Variants in SPEF2 observed in about 807,000 individuals in gnomAD.
SPEF2 encodes sperm flagella and cilia-associated protein 2.
In SPEF2, 187 loss-of-function variants were observed where a neutral mutation model predicts 224.6. The ratio of observed to expected loss-of-function variants is 0.83; its 90% confidence interval spans 0.74 to 0.94. The LOEUF (loss-of-function observed/expected upper bound fraction) is 0.94. SPEF2 is among the 40% of genes least tolerant of loss of function. The pLI is 0.00. For synonymous variants in SPEF2, 715 were observed against 707.3 expected (o/e 1.01, Z -0.17); for missense variants, 2,170 against 2,135.6 (o/e 1.02, Z -0.32).
chr5:35,682,406 A>G (rs531484070), intron 10 of SPEF2, among the ~76,000 whole-genome samples: 1 of 152,216 alleles, frequency 6.6e-6, no homozygotes. Context: ...AAACAGTGTA[A>G]GTGTTGTATC....
Position 35,807,052 on chromosome 5 carries a change from C to G in SPEF2, c.5257-79C>G, listed in dbSNP as rs964230942. ...CATAGTATGAAATTATACAGAATCT[C>G]TTTAGTAAATACAACCATTTTTTTT... On this transcript the variant is annotated intron_variant, in intron 35 of 36. Transcript: ENST00000356031. 2.1e-5 allele frequency: 33 copies of G among 1,562,874 alleles called. No homozygotes were observed. In the African/African-American group the frequency reaches 4.4e-4, roughly 21 times the overall value.
chr5:35,814,404 G>A lies in SPEF2; in HGVS notation c.5380-60G>A, dbSNP rs749034991. The A allele has an allele frequency of 8.4e-6, 8 of 955,496 alleles. No individual in the cohort carries two copies. The South Asian group carries it at 1.1e-4, about 13-fold the overall frequency. 59.2% of individuals were successfully genotyped at this position (955,496 alleles called of 1,614,324 possible). ...GTGATCATTTATTAGTATTTGTATA[G>A]TATAGTATTGATCATCCTTTATTAG... On this transcript the variant is annotated intron_variant, in intron 36 of 36. Coordinates refer to ENST00000356031, the MANE Select transcript of SPEF2 (RefSeq NM_024867.4).
At chr5:35,670,270 C>T in intron 10 of SPEF2, 43 bp downstream of exon 10, 2 of 1,524,428 alleles carry the variant, frequency 1.3e-6, no homozygotes, top group East Asian at 2.4e-5. Context: ...CATAATAAAT[C>T]CTTTTTCTTT....
intron 24 of SPEF2, among the ~76,000 whole-genome samples, chr5:35,756,824 A>G (rs2149737789): frequency 6.6e-6 from 1 of 152,288 alleles, no homozygotes; most frequent in African/African-American, 2.4e-5. Flanking sequence ...ACATATTTAG[A>G]CATCGAGATG....
chr5:35,740,102 T>A (rs1484997141), intron 22 of SPEF2, 27 bp from the exon 23 acceptor site: 1 of 1,613,918 alleles, frequency 6.2e-7, no homozygotes, highest in African/African-American at 1.3e-5. Flanking sequence ...ACATATAAAA[T>A]TTATCTCATT....
intron 9 of SPEF2, 104 bp from the exon 10 acceptor site, chr5:35,669,955 C>G (rs931897566): frequency 2.3e-6 from 2 of 865,482 alleles, no homozygotes; most frequent in African/African-American, 1.8e-5. Context: ...TTATTTCTGT[C>G]TGATGAAAGT....
chr5:35,740,260 G>A lies in SPEF2; in HGVS notation c.3323G>A (p.Arg1108Gln), dbSNP rs758795303. Reference sequence around the variant, plus strand: ...GAAACAAAGGCTGAACTACATCAACGAGTGAATGTAAGGAAATAGTGACCT... The same window carrying A: ...GAAACAAAGGCTGAACTACATCAACAAGTGAATGTAAGGAAATAGTGACCT... ...DEETKAELHQ[R>Q]VNDLRDRLWD... Residue 1108 changes from arginine (R) to glutamine (Q), a missense_variant, in exon 23 of 37, where the codon CGA becomes CAA. By Grantham distance (43) the Arg-to-Gln change is conservative (BLOSUM62 1). Coordinates refer to ENST00000356031, the MANE Select transcript of SPEF2 (RefSeq NM_024867.4). 5.0e-6 allele frequency: 8 copies of A among 1,613,964 alleles called. No individual in the cohort carries two copies. Among genetic ancestry groups the A allele is most frequent in the South Asian group, 2.2e-5 (2 of 91,052 alleles).
chr5:35,786,471 C>A (rs1388860232), intron 30 of SPEF2, among the ~76,000 whole-genome samples: 1 of 151,834 alleles, frequency 6.6e-6, no homozygotes, highest in Non-Finnish European at 1.5e-5. Flanking sequence ...ACCAGCCTGA[C>A]CAATATGGTG....
intron 15 of SPEF2, chr5:35,699,431 G>A (rs1738098059): frequency 6.6e-6 from 1 of 152,182 alleles, no homozygotes; most frequent in South Asian, 2.1e-4. Context: ...ACACTGTGCT[G>A]AGTGCAAAAA....
Position 35,759,624 on chromosome 5 carries a change from A to T in SPEF2, c.3525A>T (p.Gly1175=), listed in dbSNP as rs1233042365. 1 of 1,612,042 alleles carries T rather than the reference A, an allele frequency of 6.2e-7. No homozygotes were observed. The highest frequency in any genetic ancestry group is 1.3e-5 in the African/African-American group (1 of 74,896). The change falls in exon 25 of 37, where the codon GGA becomes GGT. Residue 1175 remains glycine, a synonymous_variant. Coordinates refer to ENST00000356031, the MANE Select transcript of SPEF2 (RefSeq NM_024867.4). ...GACTCCTTCAAGATTATTACTGGGG[A>T]ATGGAAAGTAAAATCCCAGTAGAGG... ...TKRLLQDYYW[G]MESKIPVEDN...
chr5:35,717,637 G>A (rs1365062480), intron 20 of SPEF2, among the ~76,000 whole-genome samples: 1 of 151,990 alleles, frequency 6.6e-6, no homozygotes, highest in Non-Finnish European at 1.5e-5. Flanking sequence ...ACGGACTCTC[G>A]CAAGGCCAGA....
intron 30 of SPEF2, among the ~76,000 whole-genome samples, chr5:35,786,676 A>C (rs909700453): frequency 6.6e-6 from 1 of 152,118 alleles, no homozygotes; most frequent in Non-Finnish European, 1.5e-5. Context: ...AAAACAAAAA[A>C]AGCAAAGGAG....
chr5:35,751,078 TACACACACACACACACAC>T (rs1180305756), intron 23 of SPEF2, among the ~76,000 whole-genome samples: 17 of 22,598 alleles, frequency 7.5e-4, no homozygotes, highest in Admixed American at 2.2e-3. Flanking sequence ...TATATATATA[TACACACACACACACACAC>T]ATATATATAT....
chr5:35,695,234 A>C (rs1325513589), intron 13 of SPEF2, among the ~76,000 whole-genome samples: 2 of 150,392 alleles, frequency 1.3e-5, no homozygotes, highest in African/African-American at 4.9e-5. Flanking sequence ...CATTAGTCTA[A>C]GTAATTATAA....
intron 1 of SPEF2, among the ~76,000 whole-genome samples, chr5:35,625,316 AT>A (rs1744088938): frequency 6.6e-6 from 1 of 152,202 alleles, no homozygotes; most frequent in African/African-American, 2.4e-5. Flanking sequence ...ATGCCATGCC[AT>A]TTCAAAGGAA....
At chr5:35,722,509 G>A (rs181641726) in intron 20 of SPEF2, among the ~76,000 whole-genome samples, 1,911 of 146,264 alleles carry the variant, frequency 0.013, 41 homozygotes, top group African/African-American at 0.047. Flanking sequence ...TATACTTTAA[G>A]TTTTAGGGTA....
chr5:35,646,449 G>T, intron 4 of SPEF2: 1 of 391,016 alleles, frequency 2.6e-6, no homozygotes, highest in Non-Finnish European at 4.6e-6. Context: ...GATATGATTT[G>T]CAGATTCCAG....
chr5:35,690,851 G>A (rs979690802), intron 10 of SPEF2, among the ~76,000 whole-genome samples, 186 bp from the exon 11 acceptor site: 2 of 151,764 alleles, frequency 1.3e-5, no homozygotes, highest in Non-Finnish European at 2.9e-5. Context: ...CTTTTATGTA[G>A]AAAGCATTTT....
chr5:35,674,464 T>C (rs1751616483), intron 10 of SPEF2, among the ~76,000 whole-genome samples: 1 of 151,066 alleles, frequency 6.6e-6, no homozygotes, highest in Admixed American at 6.6e-5. Flanking sequence ...GCCATGTTGG[T>C]GTGCTGTACC....
Sources: gnomAD v4.1 joint callset for allele counts (sites outside exome capture counted in the v4.1 genomes callset) on GRCh38, gnomAD v4.1.1 for gene constraint, MANE v1.5 for transcripts, NCBI Gene and HGNC (gene_info 2026-07-23, HGNC 2026-07-21) for gene names.